The following KALRN variants were observed in gnomAD, a reference collection of about 807,000 sequenced individuals.
KALRN encodes the protein kalirin.
A neutral mutation model predicts 353.7 loss-of-function variants in KALRN; 70 were observed. The observed-to-expected ratio is 0.20, with a 90% CI of 0.16 to 0.24. The LOEUF (loss-of-function observed/expected upper bound fraction) is 0.24, where lower values mean the gene tolerates loss of function less well. Ranked by LOEUF, KALRN falls within the 10% of genes least tolerant of loss-of-function variation. KALRN has a pLI of 1.00. For synonymous variants in KALRN, 1,391 were observed against 1,434.8 expected (o/e 0.97, Z 0.69); for missense variants, 2,791 against 3,756.7 (o/e 0.74, Z 6.72).
chr3:124,686,750 G>A (rs999869520), intron 51 of KALRN, among the ~76,000 whole-genome samples: 12 of 148,124 alleles, frequency 8.1e-5, no homozygotes, highest in Non-Finnish European at 1.6e-4. Context: ...CATATGATTC[G>A]TCCTGTGCTT....
At chr3:124,263,083 G>A (rs774716176) in intron 3 of KALRN, among the ~76,000 whole-genome samples, 2 of 151,930 alleles carry the variant, frequency 1.3e-5, no homozygotes, top group African/African-American at 4.8e-5. Context: ...TCTGACCTTC[G>A]TTTTTTTTCT....
chr3:124,689,501 C>T (rs1224913424), intron 51 of KALRN, among the ~76,000 whole-genome samples: 2 of 152,176 alleles, frequency 1.3e-5, no homozygotes, highest in Non-Finnish European at 2.9e-5. Context: ...CCATACCCAG[C>T]CCACAACCAC....
intron 10 of KALRN, among the ~76,000 whole-genome samples, chr3:124,381,899 T>A (rs556022605): frequency 2.6e-5 from 4 of 152,110 alleles, no homozygotes; most frequent in Non-Finnish European, 5.9e-5. Flanking sequence ...GTGGGCTAAA[T>A]ATAGAGTACC....
chr3:124,383,664 T>C (rs937418168), intron 10 of KALRN, among the ~76,000 whole-genome samples: 10 of 152,194 alleles, frequency 6.6e-5, no homozygotes, highest in African/African-American at 2.4e-4. Flanking sequence ...ATGTAACTAA[T>C]TACGTCTACA....
At chr3:124,659,966 C>T (rs1427051150) in intron 43 of KALRN, among the ~76,000 whole-genome samples, 1 of 151,244 alleles carries the variant, frequency 6.6e-6, no homozygotes, top group Non-Finnish European at 1.5e-5. Context: ...GGGTCTCACT[C>T]TGTCACCCAG....
At chr3:124,036,772 T>A (rs1204753375) in intron 1 of KALRN, among the ~76,000 whole-genome samples, 1 of 152,268 alleles carries the variant, frequency 6.6e-6, no homozygotes, top group East Asian at 1.9e-4. Flanking sequence ...AATTGCTTTG[T>A]CAAAATTCTG....
At chr3:124,565,041 C>T (rs1205006818) in intron 34 of KALRN, among the ~76,000 whole-genome samples, 1 of 152,230 alleles carries the variant, frequency 6.6e-6, no homozygotes, top group Non-Finnish European at 1.5e-5. Flanking sequence ...TGATGGTTAA[C>T]TGTGAACTCA....
intron 1 of KALRN, among the ~76,000 whole-genome samples, chr3:124,060,564 G>T (rs931732759): frequency 6.6e-6 from 1 of 152,166 alleles, no homozygotes; most frequent in Admixed American, 6.5e-5. Context: ...CTGGGTTCCC[G>T]CTTCCCCCAG....
chr3:124,326,526 T>C (rs1306434210), intron 7 of KALRN, among the ~76,000 whole-genome samples: 2 of 152,218 alleles, frequency 1.3e-5, no homozygotes, highest in Admixed American at 1.3e-4. Context: ...GAATGTAAAG[T>C]GATCATTGAG....
At chr3:124,103,968 G>A (rs943440098) in intron 1 of KALRN, among the ~76,000 whole-genome samples, 4 of 151,836 alleles carry the variant, frequency 2.6e-5, no homozygotes, top group African/African-American at 9.7e-5. Context: ...AGAAAAGAGA[G>A]AGAGAAAAAA....
intron 33 of KALRN, among the ~76,000 whole-genome samples, chr3:124,524,913 G>A (rs1274639407): frequency 6.6e-6 from 1 of 152,222 alleles, no homozygotes; most frequent in Non-Finnish European, 1.5e-5. Context: ...GCTACCTGAA[G>A]GTGTAGCACC....
chr3:124,214,268 G>T (rs1209748304), intron 1 of KALRN, among the ~76,000 whole-genome samples: 2 of 151,866 alleles, frequency 1.3e-5, no homozygotes, highest in Non-Finnish European at 2.9e-5. Flanking sequence ...ATTTCCCAAG[G>T]CATTATACTT....
At chr3:124,293,421 T>G (rs1188801299) in intron 5 of KALRN, among the ~76,000 whole-genome samples, 1 of 152,210 alleles carries the variant, frequency 6.6e-6, no homozygotes, top group Non-Finnish European at 1.5e-5. Context: ...AAATAATTTA[T>G]GCTTCTTAAA....
At chr3:124,200,765 A>C (rs537660639) in intron 1 of KALRN, among the ~76,000 whole-genome samples, 7 of 152,234 alleles carry the variant, frequency 4.6e-5, no homozygotes, top group Admixed American at 4.6e-4. Context: ...ACAGCTTTTC[A>C]CATTGAGAGA....
At position 124,430,754 on chromosome 3, in the gene KALRN, G is replaced by A. The variant is rs1560915563; in HGVS notation, c.2808G>A (p.Glu936=). 1 of 1,614,042 alleles carries A rather than the reference G, an allele frequency of 6.2e-7. No homozygotes were observed. The highest frequency in any genetic ancestry group is 1.3e-5 in the African/African-American group (1 of 75,064). ...SEAEQLQREH[E]QFQLAIESLF... is the part of the protein sequence containing the mutation. ...CAGAGCAGCTGCAGCGGGAGCACGA[G>A]CAGTTCCAACTGGCCATCGAGGTAA... is the stretch of plus-strand genomic sequence containing the variant. Residue 936 remains glutamate (E), a synonymous_variant, in exon 16 of 60, where the codon GAG becomes GAA. Transcript: ENST00000682506.
intron 1 of KALRN, among the ~76,000 whole-genome samples, chr3:124,138,034 A>G (rs1305213705): frequency 6.6e-6 from 1 of 152,140 alleles, no homozygotes; most frequent in Non-Finnish European, 1.5e-5. Flanking sequence ...ATTCCCAGGG[A>G]TCCCCAGTGG....
intron 37 of KALRN, among the ~76,000 whole-genome samples, chr3:124,644,081 T>A (rs189349822): frequency 6.7e-4 from 102 of 152,392 alleles, no homozygotes; most frequent in African/African-American, 2.4e-3. Context: ...CTGTTCATGC[T>A]ACAGATTTGC....
At chr3:124,191,356 A>G (rs1437389510) in intron 1 of KALRN, among the ~76,000 whole-genome samples, 1 of 152,090 alleles carries the variant, frequency 6.6e-6, no homozygotes, top group Non-Finnish European at 1.5e-5. Context: ...CAACCTTCTA[A>G]TCATGCTTTG....
chr3:124,716,367 T>C (rs561759671), intron 58 of KALRN, among the ~76,000 whole-genome samples: 1 of 152,212 alleles, frequency 6.6e-6, no homozygotes, highest in Admixed American at 6.5e-5. Flanking sequence ...CTACTAACAA[T>C]ACAAAAATTA....
Sources: gnomAD v4.1 joint callset for allele counts (sites outside exome capture counted in the v4.1 genomes callset) on GRCh38, gnomAD v4.1.1 for gene constraint, MANE v1.5 for transcripts, NCBI Gene and HGNC (gene_info 2026-07-23, HGNC 2026-07-21) for gene names.